Variants in RBFOX1 observed in about 807,000 individuals in gnomAD.
The protein encoded by RBFOX1 is RNA binding fox-1 homolog 1.
A neutral mutation model predicts 57.7 loss-of-function variants in RBFOX1; 8 were observed. The ratio of observed to expected loss-of-function variants is 0.14; its 90% CI spans 0.08 to 0.25. The LOEUF is 0.25. Among genes scored for constraint, RBFOX1 ranks in the 10% least tolerant of loss-of-function variants. The pLI is 1.00. For missense variants in RBFOX1, 611 were observed against 548.5 expected, an observed-to-expected ratio of 1.11 and a Z score of -1.14; for synonymous variants, 326 against 222.4, an observed-to-expected ratio of 1.47 and a Z score of -4.15.
chr16:6,757,863 T>C (rs2076045811), intron 3 of RBFOX1, among the ~76,000 whole-genome samples: 1 of 152,210 alleles, frequency 6.6e-6, no homozygotes, highest in Non-Finnish European at 1.5e-5. Flanking sequence ...ACCCTGATCA[T>C]AACACATTGT....
At chr16:7,603,736 A>G (rs900974135) in intron 9 of RBFOX1, among the ~76,000 whole-genome samples, 1 of 152,158 alleles carries the variant, frequency 6.6e-6, no homozygotes, top group Admixed American at 6.5e-5. Flanking sequence ...GGAAAGGGAA[A>G]AAGGGAAGTG....
At position 7,099,068 on chromosome 16, in the gene RBFOX1, T is replaced by A. The variant is rs540340338; in HGVS notation, c.27+46970T>A. 3.9e-5 allele frequency among the ~76,000 whole-genome samples: 6 copies of A among 152,312 alleles called. No homozygotes were observed. In the East Asian group the frequency reaches 1.2e-3, roughly 29 times the overall value. On this transcript the variant is annotated intron_variant, in intron 4 of 15. Coordinates refer to ENST00000550418, the MANE Select transcript of RBFOX1 (RefSeq NM_018723.4). ...ACAAACTATCCTTGCATAGTATCTTTCTCAAACAGTTATGGTGAAAGTTTA... is the reference window on the plus strand; with the variant it reads ...ACAAACTATCCTTGCATAGTATCTTACTCAAACAGTTATGGTGAAAGTTTA...
chr16:5,847,220 G>T (rs2056779028), intron 3 of RBFOX1, among the ~76,000 whole-genome samples: 1 of 152,252 alleles, frequency 6.6e-6, no homozygotes, highest in South Asian at 2.1e-4. Context: ...TGAGCATTTT[G>T]GAGAAGACGC....
intron 3 of RBFOX1, among the ~76,000 whole-genome samples, chr16:6,744,230 T>C (rs1410113076): frequency 6.6e-6 from 1 of 152,070 alleles, no homozygotes; most frequent in Admixed American, 6.6e-5. Flanking sequence ...AACAAAACTG[T>C]TGGAACTGGA....
rs1253199601 is a variant in RBFOX1 at position 7,607,352 on chromosome 16, C to G, written c.676+14C>G. The G allele has an allele frequency of 1.2e-6, 2 of 1,606,618 alleles. No individual in the cohort carries two copies. The highest frequency in any genetic ancestry group is 2.2e-5 in the East Asian group (1 of 44,650). On this transcript the variant is annotated intron_variant, in intron 10 of 15. Coordinates refer to ENST00000550418, the MANE Select transcript of RBFOX1 (RefSeq NM_018723.4). ...AATTCTATGCAGGTACAGAGTTTCTCTTTGCACGAAGTCTTCTCAGTCTTT... is the reference window on the plus strand; with the variant it reads ...AATTCTATGCAGGTACAGAGTTTCTGTTTGCACGAAGTCTTCTCAGTCTTT...
chr16:7,340,840 T>G (rs2096877468), intron 4 of RBFOX1, among the ~76,000 whole-genome samples: 1 of 152,210 alleles, frequency 6.6e-6, no homozygotes, highest in Admixed American at 6.5e-5. Context: ...CTCTTCTGAT[T>G]AATATCAGTC....
At chr16:5,778,244 C>T (rs565454134) in intron 3 of RBFOX1, among the ~76,000 whole-genome samples, 2 of 152,282 alleles carry the variant, frequency 1.3e-5, no homozygotes, top group East Asian at 3.9e-4. Flanking sequence ...GGAGACCTAA[C>T]ATTTCAAGGC....
intron 4 of RBFOX1, among the ~76,000 whole-genome samples, chr16:5,927,833 A>C (rs1445358678): frequency 6.6e-6 from 1 of 152,214 alleles, no homozygotes; most frequent in East Asian, 1.9e-4. Context: ...ATGCTAAGTG[A>C]AATAAGCTAG....
intron 2 of RBFOX1, among the ~76,000 whole-genome samples, chr16:5,534,037 G>T (rs1424898193): frequency 1.3e-5 from 2 of 152,222 alleles, no homozygotes; most frequent in African/African-American, 4.8e-5. Flanking sequence ...AATCTGGGAG[G>T]ATGTGGTTGC....
At chr16:7,528,184 A>G (rs937840779) in intron 5 of RBFOX1, among the ~76,000 whole-genome samples, 1 of 152,232 alleles carries the variant, frequency 6.6e-6, no homozygotes, top group Non-Finnish European at 1.5e-5. Context: ...ATGTTTCCTT[A>G]GGGGGCTTCA....
At chr16:6,159,667 G>A (rs2152742041) in intron 1 of RBFOX1, among the ~76,000 whole-genome samples, 1 of 152,284 alleles carries the variant, frequency 6.6e-6, no homozygotes, top group South Asian at 2.1e-4. Context: ...GAAATGTCAT[G>A]TTAATATCAA....
intron 3 of RBFOX1, among the ~76,000 whole-genome samples, chr16:6,840,398 C>T (rs973933590): frequency 6.6e-6 from 1 of 152,098 alleles, no homozygotes; most frequent in Non-Finnish European, 1.5e-5. Context: ...TCCATTCCTT[C>T]ATTAAATGTT....
At chr16:5,389,686 A>T (rs753454861) in intron 1 of RBFOX1, among the ~76,000 whole-genome samples, 6 of 147,190 alleles carry the variant, frequency 4.1e-5, no homozygotes, top group African/African-American at 5.0e-5. Context: ...TTATTTTATT[A>T]TTTTATTTTA....
intron 1 of RBFOX1, among the ~76,000 whole-genome samples, chr16:5,248,896 G>GTGAAT (rs1368252975): frequency 1.3e-5 from 2 of 148,918 alleles, no homozygotes; most frequent in Non-Finnish European, 1.5e-5. Context: ...GCTGAGCCAC[G>GTGAAT]TGAATTGCTT....
chr16:6,455,853 A>T (rs1782132716), intron 2 of RBFOX1, among the ~76,000 whole-genome samples: 1 of 152,184 alleles, frequency 6.6e-6, no homozygotes, highest in Non-Finnish European at 1.5e-5. Context: ...CCATGAGATT[A>T]TTAAAAGAAA....
chr16:5,613,994 A>C (rs1162993980), intron 3 of RBFOX1, among the ~76,000 whole-genome samples: 1 of 147,482 alleles, frequency 6.8e-6, no homozygotes, highest in African/African-American at 2.5e-5. Flanking sequence ...AGTTCCCTCC[A>C]CTTCTCTCAA....
Position 6,848,930 on chromosome 16 carries a change from C to T in RBFOX1, c.-16+194280C>T, listed in dbSNP as rs550745585. Among the ~76,000 whole-genome samples, 32 of 152,264 alleles carry T rather than the reference C, an allele frequency of 2.1e-4. No individual in the cohort carries two copies. In the South Asian group the frequency reaches 5.6e-3, roughly 27 times the overall value. On this transcript the variant is annotated intron_variant, in intron 3 of 15. Transcript: ENST00000550418. The stretch of plus-strand genomic sequence containing the variant: ...TGCAAAGAAAAAGACCAGAGAATGT[C>T]TCACCCTGGGTAATTCTACCTTGCT...
At chr16:5,306,816 T>A (rs764454820) in intron 1 of RBFOX1, among the ~76,000 whole-genome samples, 1 of 152,164 alleles carries the variant, frequency 6.6e-6, no homozygotes, top group Non-Finnish European at 1.5e-5. Flanking sequence ...AGACAAAGCA[T>A]CACATCACAG....
chr16:6,029,102 C>G (rs966564325), intron 1 of RBFOX1, among the ~76,000 whole-genome samples: 9 of 152,006 alleles, frequency 5.9e-5, no homozygotes, highest in African/African-American at 1.9e-4. Flanking sequence ...TTTTTTTTAC[C>G]TTGTGGTATT....
Sources: allele counts gnomAD v4.1 joint callset (sites outside exome capture counted in the v4.1 genomes callset), GRCh38; gene constraint gnomAD v4.1.1; transcripts MANE v1.5; gene names NCBI Gene and HGNC (gene_info 2026-07-23, HGNC 2026-07-21).